The following EPHA6 variants were observed in gnomAD, a reference collection of about 807,000 sequenced individuals.
EPHA6 encodes ephrin type-A receptor 6.
In EPHA6, 50 loss-of-function variants were observed where a neutral mutation model predicts 112.0. The observed-to-expected ratio is 0.45, with a 90% confidence interval of 0.36 to 0.56. The LOEUF (loss-of-function observed/expected upper bound fraction) is 0.56. Ranked by LOEUF, EPHA6 falls within the 20% of genes least tolerant of loss-of-function variation. The probability of loss-of-function intolerance (pLI) is 0.00; values close to 1 mark genes in which losing one functional copy is unlikely to be tolerated. For missense variants in EPHA6, 1,280 were observed against 1,417.4 expected, an observed-to-expected ratio of 0.90 and a Z score of 1.56; for synonymous variants, 529 against 490.7, an observed-to-expected ratio of 1.08 and a Z score of -1.03.
At chr3:96,962,934 G>A (rs1236482208) in intron 2 of EPHA6, among the ~76,000 whole-genome samples, 3 of 151,916 alleles carry the variant, frequency 2.0e-5, no homozygotes, top group African/African-American at 4.8e-5. Context: ...CTTGCGGATC[G>A]CTTGAGCCCA....
intron 11 of EPHA6, among the ~76,000 whole-genome samples, chr3:97,583,214 T>C (rs2093455564): frequency 6.6e-6 from 1 of 151,840 alleles, no homozygotes; most frequent in Admixed American, 6.6e-5. Context: ...GCTGACTCCT[T>C]GGCACCTGAG....
chr3:97,610,696 T>A, intron 12 of EPHA6, 97 bp from the exon 13 acceptor site: 1 of 920,450 alleles, frequency 1.1e-6, no homozygotes, highest in Non-Finnish European at 1.7e-6. Context: ...ATTAATAAAA[T>A]ACAAATAATT....
rs544429842 is a variant in EPHA6 at position 97,115,812 on chromosome 3, G to A, written c.1115-110452G>A. ...AGAATGAGAAGGCTTTTAGGATGTC[G>A]GAGTTAAGAATATTGTGGGGCAAAA... On this transcript the variant is annotated intron_variant, in intron 3 of 17. Coordinates refer to ENST00000389672, the MANE Select transcript of EPHA6 (RefSeq NM_001080448.3). 1.4e-4 allele frequency among the ~76,000 whole-genome samples: 22 copies of A among 151,830 alleles called. 1 individual carries two copies. Among genetic ancestry groups the A allele is most frequent in the South Asian group, 6.2e-4 (3 of 4,828 alleles).
At chr3:97,521,170 CATT>C (rs1384478605) in intron 10 of EPHA6, among the ~76,000 whole-genome samples, 1 of 150,776 alleles carries the variant, frequency 6.6e-6, no homozygotes, top group Non-Finnish European at 1.5e-5. Context: ...TCTTTAACAT[CATT>C]ATTTTTCTCT....
At chr3:96,850,667 G>T (rs188031586) in intron 1 of EPHA6, among the ~76,000 whole-genome samples, 1 of 152,164 alleles carries the variant, frequency 6.6e-6, no homozygotes, top group Admixed American at 6.6e-5. Context: ...ACACTGCAAG[G>T]TTTCAGGTTT....
intron 10 of EPHA6, among the ~76,000 whole-genome samples, chr3:97,503,552 A>G (rs1197991870): frequency 6.6e-6 from 1 of 152,204 alleles, no homozygotes. Context: ...ACTGGTACTA[A>G]ACAGTCAGAA....
chr3:97,130,286 T>C (rs904841159), intron 3 of EPHA6, among the ~76,000 whole-genome samples: 1 of 152,092 alleles, frequency 6.6e-6, no homozygotes, highest in African/African-American at 2.4e-5. Flanking sequence ...CTCTTTTTCT[T>C]CATTTTTTCT....
At chr3:97,577,359 A>T (rs1390700105) in intron 11 of EPHA6, among the ~76,000 whole-genome samples, 1 of 152,212 alleles carries the variant, frequency 6.6e-6, no homozygotes, top group Admixed American at 6.5e-5. Context: ...TCTACAGTAA[A>T]AATTTATTCA....
chr3:96,938,425 A>G (rs1489239626), intron 2 of EPHA6, among the ~76,000 whole-genome samples: 1 of 151,602 alleles, frequency 6.6e-6, no homozygotes, highest in African/African-American at 2.4e-5. Context: ...TTGTTGGTGT[A>G]TAAGAATGCT....
At chr3:97,509,417 A>T (rs2092323625) in intron 10 of EPHA6, among the ~76,000 whole-genome samples, 1 of 151,966 alleles carries the variant, frequency 6.6e-6, no homozygotes, top group Admixed American at 6.6e-5. Context: ...CTTGTCTGTA[A>T]AGGATTTTAT....
chr3:96,881,747 T>A (rs992829382), intron 2 of EPHA6, among the ~76,000 whole-genome samples: 1 of 152,196 alleles, frequency 6.6e-6, no homozygotes, highest in African/African-American at 2.4e-5. Flanking sequence ...CCTATGTGCC[T>A]GTAAAATAAA....
chr3:97,691,476 C>T (rs1196573274), intron 14 of EPHA6, among the ~76,000 whole-genome samples: 1 of 152,102 alleles, frequency 6.6e-6, no homozygotes, highest in Non-Finnish European at 1.5e-5. Flanking sequence ...TTTTTAGCCC[C>T]TTTTTTCTGT....
chr3:97,671,932 C>T (rs1017543066), intron 14 of EPHA6, among the ~76,000 whole-genome samples: 20 of 152,236 alleles, frequency 1.3e-4, no homozygotes, highest in African/African-American at 4.8e-4. Context: ...TGTTTAGATT[C>T]TCATTTCAGT....
chr3:97,411,414 A>G (rs563290995), intron 6 of EPHA6, among the ~76,000 whole-genome samples: 2 of 152,216 alleles, frequency 1.3e-5, no homozygotes, highest in Admixed American at 1.3e-4. Context: ...GAGTCTGCAA[A>G]CACATGAAAA....
At chr3:97,108,391 G>A (rs2047628742) in intron 3 of EPHA6, among the ~76,000 whole-genome samples, 1 of 152,144 alleles carries the variant, frequency 6.6e-6, no homozygotes, top group Admixed American at 6.6e-5. Flanking sequence ...CCTGGTATGG[G>A]ATTGGACAGA....
intron 2 of EPHA6, among the ~76,000 whole-genome samples, chr3:96,957,744 A>G (rs1333806631): frequency 6.6e-6 from 1 of 152,196 alleles, no homozygotes; most frequent in Admixed American, 6.5e-5. Context: ...CTAATGACCC[A>G]TGACCCACAT....
intron 3 of EPHA6, among the ~76,000 whole-genome samples, chr3:97,050,394 G>A (rs2045647245): frequency 4.6e-5 from 7 of 152,128 alleles, no homozygotes; most frequent in Admixed American, 3.9e-4. Context: ...TGGTAGACTC[G>A]AGCTACATGT....
chr3:97,079,106 C>A (rs1370433496), intron 3 of EPHA6, among the ~76,000 whole-genome samples: 1 of 152,066 alleles, frequency 6.6e-6, no homozygotes, highest in African/African-American at 2.4e-5. Context: ...GGCATGGAAT[C>A]AACCTAAATG....
chr3:96,911,896 A>G (rs1425332837), intron 2 of EPHA6, among the ~76,000 whole-genome samples: 1 of 151,962 alleles, frequency 6.6e-6, no homozygotes, highest in Non-Finnish European at 1.5e-5. Flanking sequence ...ATTTTTCTAA[A>G]ATTGTTTGCT....
Sources: allele counts gnomAD v4.1 joint callset (sites outside exome capture counted in the v4.1 genomes callset), GRCh38; gene constraint gnomAD v4.1.1; transcripts MANE v1.5; gene names NCBI Gene and HGNC (gene_info 2026-07-23, HGNC 2026-07-21).